The following CYYR1 variants were observed in gnomAD, a reference collection of about 807,000 sequenced individuals.
The protein encoded by CYYR1 is cysteine and tyrosine rich 1, also known as cysteine and tyrosine-rich protein 1.
Under a neutral mutation model 15.2 loss-of-function variants are expected in CYYR1, and 14 were observed. The ratio of observed to expected loss-of-function variants is 0.92; its 90% CI spans 0.61 to 1.44. The LOEUF (loss-of-function observed/expected upper bound fraction) is 1.44, where lower values mean the gene tolerates loss of function less well. CYYR1 is among the 40% of genes most tolerant of loss of function. The pLI, the probability that CYYR1 is intolerant of heterozygous loss-of-function variation, is 0.00. For missense variants in CYYR1, 228 were observed against 209.5 expected, an observed-to-expected ratio of 1.09 and a Z score of -0.54; for synonymous variants, 80 against 77.4, an observed-to-expected ratio of 1.03 and a Z score of -0.18.
intron 3 of CYYR1, among the ~76,000 whole-genome samples, chr21:26,473,293 T>A (rs542808599): frequency 1.3e-4 from 20 of 149,580 alleles, no homozygotes; most frequent in Admixed American, 1.2e-3. Context: ...GAACAGAGAG[T>A]TTAAATAAAG....
chr21:26,531,445 G>A (rs1475650705), intron 2 of CYYR1, among the ~76,000 whole-genome samples: 2 of 152,144 alleles, frequency 1.3e-5, no homozygotes, highest in Non-Finnish European at 2.9e-5. Context: ...CCTGGTGGGA[G>A]GGGATTGAAT....
chr21:26,524,610 A>C lies in CYYR1; in HGVS notation c.176+41656T>G, dbSNP rs185676326. Among the ~76,000 whole-genome samples, 3 of 121,560 alleles carry C rather than the reference A, an allele frequency of 2.5e-5. No individual in the cohort carries two copies. In the Admixed American group the frequency reaches 2.6e-4, roughly 11 times the overall value. 79.7% of individuals were successfully genotyped at this position (121,560 alleles called of 152,430 possible). A position where few individuals can be genotyped will look rare whatever the true frequency, so the allele number is the denominator to read the frequency against. ...GGAAGCTGAACATGCTTGGTCATCAACCTGGAAGCCAACCACTTAGTAATG... is the reference window on the plus strand; with the variant it reads ...GGAAGCTGAACATGCTTGGTCATCACCCTGGAAGCCAACCACTTAGTAATG... On this transcript the variant is annotated intron_variant, in intron 2 of 3. Coordinates refer to ENST00000652641, the MANE Select transcript of CYYR1 (RefSeq NM_001320768.2).
chr21:26,474,128 A>C (rs140911751), intron 3 of CYYR1, among the ~76,000 whole-genome samples: 3,451 of 145,404 alleles, frequency 0.024, 119 homozygotes, highest in African/African-American at 0.081. Flanking sequence ...CTCACTGTAA[A>C]CTCCACCTCC....
intron 2 of CYYR1, among the ~76,000 whole-genome samples, chr21:26,490,194 G>A (rs2065309438): frequency 6.6e-6 from 1 of 151,912 alleles, no homozygotes. Context: ...CATCTACTTG[G>A]TAGGATGAGG....
intron 2 of CYYR1, among the ~76,000 whole-genome samples, chr21:26,524,214 G>A (rs1056283677): frequency 3.3e-5 from 5 of 152,084 alleles, no homozygotes; most frequent in Non-Finnish European, 5.9e-5. Flanking sequence ...TTAGATATTT[G>A]TACTTCTTAT....
At chr21:26,492,599 A>G (rs1822873087) in intron 2 of CYYR1, among the ~76,000 whole-genome samples, 1 of 152,150 alleles carries the variant, frequency 6.6e-6, no homozygotes, top group East Asian at 1.9e-4. Context: ...AGTTCCATTT[A>G]TCTTTCATCT....
At chr21:26,487,330 G>A (rs932436658) in intron 2 of CYYR1, among the ~76,000 whole-genome samples, 3 of 151,998 alleles carry the variant, frequency 2.0e-5, no homozygotes, top group African/African-American at 7.2e-5. Context: ...TTTATCTTTT[G>A]TTAAAGAAGG....
intron 2 of CYYR1, among the ~76,000 whole-genome samples, chr21:26,525,242 AT>A (rs1384821150): frequency 6.6e-6 from 1 of 151,308 alleles, no homozygotes; most frequent in Non-Finnish European, 1.5e-5. Context: ...GCTCTTTCAA[AT>A]TTTTTTCAAT....
intron 2 of CYYR1, chr21:26,482,249 C>T (rs544495890): frequency 3.2e-6 from 3 of 934,280 alleles, no homozygotes; most frequent in African/African-American, 1.8e-5. Context: ...AAATTATTAT[C>T]GCATTTATTT....
chr21:26,499,842 T>G (rs222158), intron 2 of CYYR1, among the ~76,000 whole-genome samples: 43,106 of 150,692 alleles, frequency 0.29, 6,556 homozygotes, highest in Non-Finnish European at 0.34. Flanking sequence ...TTTTGTTTTT[T>G]TTTTTTTTTT....
chr21:26,483,194 C>A (rs977580501), intron 2 of CYYR1, among the ~76,000 whole-genome samples: 7 of 151,920 alleles, frequency 4.6e-5, no homozygotes, highest in Non-Finnish European at 7.4e-5. Context: ...TTATCTCATC[C>A]TCTATTGCAC....
At chr21:26,507,941 T>C (rs148278474) in intron 2 of CYYR1, among the ~76,000 whole-genome samples, 131 of 152,294 alleles carry the variant, frequency 8.6e-4, no homozygotes, top group African/African-American at 3.1e-3. Flanking sequence ...GCCTTTGTTT[T>C]GGGGATGTGA....
At chr21:26,516,986 G>A (rs2065735963) in intron 2 of CYYR1, among the ~76,000 whole-genome samples, 1 of 149,992 alleles carries the variant, frequency 6.7e-6, no homozygotes, top group Non-Finnish European at 1.5e-5. Flanking sequence ...GTGGTAGCGG[G>A]CGCCTGTAGT....
chr21:26,467,931 A>T lies in CYYR1; in HGVS notation c.*570T>A, dbSNP rs2064988411. 1 of 161,122 alleles carries T rather than the reference A, an allele frequency of 6.2e-6. No individual in the cohort carries two copies. Among genetic ancestry groups the T allele is most frequent in the African/African-American group, 2.4e-5 (1 of 41,484 alleles). The allele number at this position is 161,122 out of a possible 1,614,324, so 10.0% of individuals were successfully genotyped here. ...AGCGTGTCTCTACCAAGAGCTTCAC[A>T]AAGCAATCTAGTCATTGCTCTTTCT... On this transcript the variant is annotated 3_prime_UTR_variant, in exon 4 of 4. Coordinates refer to ENST00000652641, the MANE Select transcript of CYYR1 (RefSeq NM_001320768.2).
chr21:26,560,374 G>A (rs983555169), intron 2 of CYYR1, among the ~76,000 whole-genome samples: 1 of 152,058 alleles, frequency 6.6e-6, no homozygotes, highest in Non-Finnish European at 1.5e-5. Flanking sequence ...TTGTAAATGA[G>A]AGCAATTTAC....
intron 2 of CYYR1, among the ~76,000 whole-genome samples, chr21:26,529,393 GCACT>G (rs2065903422): frequency 6.6e-6 from 1 of 152,264 alleles, no homozygotes; most frequent in South Asian, 2.1e-4. Context: ...TACATTGGAA[GCACT>G]CACTCATTCA....
chr21:26,561,313 G>GTT (rs11358960), intron 2 of CYYR1, among the ~76,000 whole-genome samples: 137 of 143,240 alleles, frequency 9.6e-4, no homozygotes, highest in African/African-American at 2.8e-3. Context: ...AATTTAAATG[G>GTT]TTTTTTTTTT....
chr21:26,507,261 A>G (rs1043544219), intron 2 of CYYR1, among the ~76,000 whole-genome samples: 15 of 152,162 alleles, frequency 9.9e-5, no homozygotes, highest in African/African-American at 3.4e-4. Flanking sequence ...CTGACTAGAG[A>G]GAGGTTTCAA....
At chr21:26,476,840 G>A (rs2123386220) in intron 3 of CYYR1, among the ~76,000 whole-genome samples, 1 of 152,122 alleles carries the variant, frequency 6.6e-6, no homozygotes, top group South Asian at 2.1e-4. Flanking sequence ...AAAAAAAAGG[G>A]TTAATATGAT....
Sources: allele counts gnomAD v4.1 joint callset (sites outside exome capture counted in the v4.1 genomes callset), GRCh38; gene constraint gnomAD v4.1.1; transcripts MANE v1.5; gene names NCBI Gene and HGNC (gene_info 2026-07-23, HGNC 2026-07-21).